Variants in CAD observed in about 807,000 individuals in gnomAD.
The protein encoded by CAD is multifunctional protein CAD.
Under a neutral mutation model 237.2 loss-of-function variants are expected in CAD, and 81 were observed. That is an observed-to-expected ratio of 0.34 (90% CI 0.29 to 0.41). CAD has a LOEUF of 0.41. CAD is among the 10% of genes least tolerant of loss of function. The pLI, the probability that CAD is intolerant of heterozygous loss-of-function variation, is 1.00. For missense variants in CAD, 2,181 were observed against 2,951.7 expected, an observed-to-expected ratio of 0.74 and a Z score of 6.05; for synonymous variants, 1,196 against 1,162.8, an observed-to-expected ratio of 1.03 and a Z score of -0.58.
At chr2:27,224,269 A>C in intron 8 of CAD, 76 bp from the exon 9 acceptor site, 1 of 1,532,768 alleles carries the variant, frequency 6.5e-7, no homozygotes, top group South Asian at 1.2e-5. Context: ...CTCTTCTGAA[A>C]GCGAGGGAGC....
At position 27,237,687 on chromosome 2, in the gene CAD, A is replaced by C. The variant is rs777550521; in HGVS notation, c.4564-31A>C. ...GCTAGCCTGTGTGGGCATGGGTGCC[A>C]GTGAGCCTTACCTCTGTGTATCCTC... is the stretch of plus-strand genomic sequence containing the variant. On this transcript the variant is annotated intron_variant, in intron 28 of 43. Transcript: ENST00000264705. This position sits in a 1 kb window ranked among gnomAD's most constrained non-coding sequence, Gnocchi z 4.0. 2.3e-5 allele frequency: 37 copies of C among 1,597,296 alleles called. No homozygotes were observed. The highest frequency in any genetic ancestry group is 2.8e-5 in the Non-Finnish European group (33 of 1,170,022).
chr2:27,232,818 T>TG lies in CAD; in HGVS notation c.2892+129dup. On this transcript the variant is annotated intron_variant, in intron 18 of 43. Transcript: ENST00000264705. This position sits in a 1 kb window ranked among gnomAD's most constrained non-coding sequence, Gnocchi z 4.1. ...TTACTTTGGTCATAGAGCTTTGGGG[T>TG]GGGGGTCCTTTTAGGCCATCTCTCA... 3 of 1,256,860 alleles carry TG rather than the reference T, an allele frequency of 2.4e-6. No homozygotes were observed. Among genetic ancestry groups the TG allele is most frequent in the African/African-American group, 1.5e-5 (1 of 67,760 alleles). 77.9% of individuals were successfully genotyped at this position (1,256,860 alleles called of 1,614,324 possible). A position where few individuals can be genotyped will look rare whatever the true frequency, so the allele number is the denominator to read the frequency against.
At chr2:27,227,247 T>A (rs1675484857) in intron 15 of CAD, among the ~76,000 whole-genome samples, 1 of 152,184 alleles carries the variant, frequency 6.6e-6, no homozygotes, top group African/African-American at 2.4e-5. Flanking sequence ...CCTTTTTTTT[T>A]AGTATGATGT....
At position 27,217,820 on chromosome 2, in the gene CAD, G is replaced by T. The variant is rs1214201101; in HGVS notation, c.83-57G>T. 15 of 1,535,910 alleles carry T rather than the reference G, an allele frequency of 9.8e-6. No individual in the cohort carries two copies. In the East Asian group the frequency reaches 2.8e-4, roughly 28 times the overall value. On this transcript the variant is annotated intron_variant, in intron 1 of 43. Transcript: ENST00000264705. ...GCCTCCACTGGGGCGTGCTCATCGCGCGGGGAGTGTTCCGAAGGGTGCCCT... is the reference window on the plus strand; with the variant it reads ...GCCTCCACTGGGGCGTGCTCATCGCTCGGGGAGTGTTCCGAAGGGTGCCCT...
At position 27,243,772 on chromosome 2, in the gene CAD, C is replaced by G. The variant is rs193120001; in HGVS notation, c.*254C>G. The G allele has an allele frequency of 1.8e-4, 90 of 503,874 alleles. 1 individual carries two copies. The Middle Eastern group carries it at 2.6e-3, about 15-fold the overall frequency. The allele number at this position is 503,874 out of a possible 1,614,324, so 31.2% of individuals were successfully genotyped here. A position where few individuals can be genotyped will look rare whatever the true frequency, so the allele number is the denominator to read the frequency against. The stretch of plus-strand genomic sequence containing the variant: ...TTTTTCTACTGACTTAATAAACAGC[C>G]GAGCTGTCCCTTGATGCTGAGTGTA... On this transcript the variant is annotated 3_prime_UTR_variant, in exon 44 of 44. Coordinates refer to ENST00000264705, the MANE Select transcript of CAD (RefSeq NM_004341.5).
At chr2:27,231,914 C>G in intron 16 of CAD, 66 bp from the exon 17 acceptor site, 1 of 1,591,976 alleles carries the variant, frequency 6.3e-7, no homozygotes, top group Non-Finnish European at 8.6e-7. Flanking sequence ...ACAAGAGCAG[C>G]TACTTACGCT....
rs1417487417 is a variant in CAD at position 27,235,163 on chromosome 2, C to A, written c.3787-82C>A. 2.3e-6 allele frequency: 3 copies of A among 1,295,698 alleles called. No individual in the cohort carries two copies. Among genetic ancestry groups the A allele is most frequent in the Admixed American group, 4.6e-5 (2 of 43,516 alleles). The allele number at this position is 1,295,698 out of a possible 1,614,324, so 80.3% of individuals were successfully genotyped here. A position where few individuals can be genotyped will look rare whatever the true frequency, so the allele number is the denominator to read the frequency against. ...CCTGCCATTCAGATGGGATCAAGCA[C>A]AGGGTACTGTGTCCGTCTCTGCTGG... On this transcript the variant is annotated intron_variant, in intron 23 of 43. Transcript: ENST00000264705. The surrounding 1 kb of genome is among the most constrained non-coding windows in gnomAD (Gnocchi z 5.2).
In CAD at chr2:27,240,776, C is replaced by T; in HGVS notation, c.5594-135C>T. The T allele has an allele frequency of 2.5e-6, 3 of 1,177,898 alleles. No homozygotes were observed. Among genetic ancestry groups the T allele is most frequent in the Middle Eastern group, 2.5e-4 (1 of 3,922 alleles). The allele number at this position is 1,177,898 out of a possible 1,614,324, so 73.0% of individuals were successfully genotyped here. A position where few individuals can be genotyped will look rare whatever the true frequency, so the allele number is the denominator to read the frequency against. ...CCCAGAGCTGCTGCAGTCCCCTGCC[C>T]TCCCCTAACCTGCTATATTACTGTG... On this transcript the variant is annotated intron_variant, in intron 35 of 43. Coordinates refer to ENST00000264705, the MANE Select transcript of CAD (RefSeq NM_004341.5). This position sits in a 1 kb window ranked among gnomAD's most constrained non-coding sequence, Gnocchi z 4.6.
chr2:27,237,255 C>A lies in CAD; in HGVS notation c.4397-124C>A. On this transcript the variant is annotated intron_variant, in intron 27 of 43. Transcript: ENST00000264705. This position sits in a 1 kb window ranked among gnomAD's most constrained non-coding sequence, Gnocchi z 4.0. ...GTCAGGTTGGTCTCGAACTCCTGAT[C>A]TCAGGTGATCTGCCCACCTCGGCCT... 1 of 970,276 alleles carries A rather than the reference C, an allele frequency of 1.0e-6. No homozygotes were observed. Among genetic ancestry groups the A allele is most frequent in the Non-Finnish European group, 1.6e-6 (1 of 625,870 alleles). The allele number at this position is 970,276 out of a possible 1,614,324, so 60.1% of individuals were successfully genotyped here. A position where few individuals can be genotyped will look rare whatever the true frequency, so the allele number is the denominator to read the frequency against.
Position 27,237,580 on chromosome 2 carries a change from C to T in CAD, c.4563+35C>T, listed in dbSNP as rs1676076250. 1.9e-6 allele frequency: 3 copies of T among 1,599,012 alleles called. No individual in the cohort carries two copies. Among genetic ancestry groups the T allele is most frequent in the East Asian group, 2.2e-5 (1 of 44,612 alleles). On this transcript the variant is annotated intron_variant, in intron 28 of 43. Transcript: ENST00000264705. This position sits in a 1 kb window ranked among gnomAD's most constrained non-coding sequence, Gnocchi z 4.0. ...TGCACTCTTCCTGGTATTGGAGACC[C>T]ATATGCCCCTACCAGCCACCCTTGC...
At position 27,242,028 on chromosome 2, in the gene CAD, G is replaced by A. The variant is rs144801319; in HGVS notation, c.6001G>A (p.Val2001Ile). Reference sequence around the variant, plus strand: ...CAGCTTCTCGGAAGCCACATCGTCCGTCCAGAAGGGCGAATCCCTGGCTGA... The same window carrying A: ...CAGCTTCTCGGAAGCCACATCGTCCATCCAGAAGGGCGAATCCCTGGCTGA... ...VLSFSEATSS[V>I]QKGESLADSV... The change falls in exon 39 of 44, where the codon GTC (valine) becomes ATC (isoleucine). Residue 2001 changes from valine (V) to isoleucine (I), a missense_variant. Physicochemically the swap from Val to Ile is conservative, Grantham distance 29 (BLOSUM62 3). Coordinates refer to ENST00000264705, the MANE Select transcript of CAD (RefSeq NM_004341.5). This position sits in a 1 kb window ranked among gnomAD's most constrained non-coding sequence, Gnocchi z 6.4. 6.0e-4 allele frequency: 972 copies of A among 1,613,256 alleles called. 2 individuals carry two copies. Among genetic ancestry groups the A allele is most frequent in the Non-Finnish European group, 3.8e-4 (450 of 1,180,048 alleles).
chr2:27,239,384 C>A lies in CAD; in HGVS notation c.5307C>A (p.Ala1769=). ...CCAGCCACATGCCCTTCTCCAAGGC[C>A]CACTGGACACCTTTTGAAGGGCAGA... ...TIPSHMPFSK[A]HWTPFEGQKV... The change falls in exon 33 of 44, where the codon GCC becomes GCA. Residue 1769 remains alanine (A), a synonymous_variant. Coordinates refer to ENST00000264705, the MANE Select transcript of CAD (RefSeq NM_004341.5). This position sits in a 1 kb window ranked among gnomAD's most constrained non-coding sequence, Gnocchi z 4.0. The A allele has an allele frequency of 1.9e-6, 3 of 1,614,082 alleles. No homozygotes were observed. Among genetic ancestry groups the A allele is most frequent in the Admixed American group, 3.3e-5 (2 of 60,014 alleles).
At position 27,222,904 on chromosome 2, in the gene CAD, C is replaced by G; in HGVS notation, c.676C>G (p.Pro226Ala). ...GLFLSNGPGD[P>A]ASYPSVVSTL... ...CTTCTTAAGTAATGGGCCTGGTGACCCTGCCTCCTATCCCAGTGTCGTATC... is the reference window on the plus strand; with the variant it reads ...CTTCTTAAGTAATGGGCCTGGTGACGCTGCCTCCTATCCCAGTGTCGTATC... The change falls in exon 6 of 44, where the codon CCT (proline) becomes GCT (alanine). Residue 226 changes from proline (P) to alanine (A), a missense_variant. This residue lies in a region of CAD where 314 missense variants were observed against 339.4 expected (regional missense o/e 0.93). Transcript: ENST00000264705. 1 of 1,614,130 alleles carries G rather than the reference C, an allele frequency of 6.2e-7. No individual in the cohort carries two copies. Among genetic ancestry groups the G allele is most frequent in the Non-Finnish European group, 8.5e-7 (1 of 1,180,028 alleles).
rs1330122345 is a variant in CAD, at chr2:27,233,843, A to G, written c.3399+35A>G. ...TGCAGACAGTGAAGTCTCTGAGGGC[A>G]TGCTGCCAGCCCTGGAGGAGACTTC... On this transcript the variant is annotated intron_variant, in intron 21 of 43. Transcript: ENST00000264705. This position sits in a 1 kb window ranked among gnomAD's most constrained non-coding sequence, Gnocchi z 6.3. The G allele has an allele frequency of 1.5e-5, 24 of 1,607,316 alleles. No homozygotes were observed. Among genetic ancestry groups the G allele is most frequent in the Non-Finnish European group, 2.0e-5 (23 of 1,175,688 alleles).
At chr2:27,227,253 G>C (rs1350657934) in intron 15 of CAD, among the ~76,000 whole-genome samples, 1 of 151,942 alleles carries the variant, frequency 6.6e-6, no homozygotes, top group Non-Finnish European at 1.5e-5. Context: ...TTTTTAGTAT[G>C]ATGTTTACAT....
At position 27,225,084 on chromosome 2, in the gene CAD, G is replaced by A; in HGVS notation, c.1461G>A (p.Glu487=). The change falls in exon 11 of 44, where the codon GAG becomes GAA. Residue 487 remains glutamate (E), a synonymous_variant. Coordinates refer to ENST00000264705, the MANE Select transcript of CAD (RefSeq NM_004341.5). ...GGQTALNCGV[E]LTKAGVLARY... Reference sequence around the variant, plus strand: ...AGACTGCTCTGAACTGTGGTGTGGAGCTGACCAAGGCCGGGGTGCTGGCTC... The same window carrying A: ...AGACTGCTCTGAACTGTGGTGTGGAACTGACCAAGGCCGGGGTGCTGGCTC... The A allele has an allele frequency of 6.2e-7, 1 of 1,614,172 alleles. No homozygotes were observed. The highest frequency in any genetic ancestry group is 8.5e-7 in the Non-Finnish European group (1 of 1,180,022).
rs1553367504 is a variant in CAD, at chr2:27,225,550, C to CG, written c.1621-155_1621-154insG. 4.4e-5 allele frequency among the ~76,000 whole-genome samples: 3 copies of CG among 67,722 alleles called. No homozygotes were observed. In the African/African-American group the frequency reaches 5.5e-4, roughly 12 times the overall value. The allele number at this position is 67,722 out of a possible 152,430, so 44.4% of individuals were successfully genotyped here. A position where few individuals can be genotyped will look rare whatever the true frequency, so the allele number is the denominator to read the frequency against. ...CGAACTCCTGACCTCAGGTGATCCA[C>CG]CCCCCCGACCCTCGGCCTCCCAAAT... On this transcript the variant is annotated intron_variant, in intron 11 of 43. Coordinates refer to ENST00000264705, the MANE Select transcript of CAD (RefSeq NM_004341.5).
rs141717146 is a variant in CAD, at chr2:27,220,153, A to G, written c.223-1065A>G. On this transcript the variant is annotated intron_variant, in intron 2 of 43. Coordinates refer to ENST00000264705, the MANE Select transcript of CAD (RefSeq NM_004341.5). ...CATCTTTTGCAATGCCTGCACCTCA[A>G]TAAATGTCTGACTGACACCATGTGC... Among the ~76,000 whole-genome samples the G allele has an allele frequency of 8.5e-5, 13 of 152,248 alleles. No homozygotes were observed. In the East Asian group the frequency reaches 1.4e-3, roughly 16 times the overall value.
chr2:27,243,131 C>T lies in CAD; in HGVS notation c.6481-67C>T. 5 of 1,520,842 alleles carry T rather than the reference C, an allele frequency of 3.3e-6. No homozygotes were observed. In the South Asian group the frequency reaches 4.5e-5, roughly 14 times the overall value. The allele number at this position is 1,520,842 out of a possible 1,614,324, so 94.2% of individuals were successfully genotyped here. A position where few individuals can be genotyped will look rare whatever the true frequency, so the allele number is the denominator to read the frequency against. On this transcript the variant is annotated intron_variant, in intron 42 of 43. Coordinates refer to ENST00000264705, the MANE Select transcript of CAD (RefSeq NM_004341.5). Reference sequence around the variant, plus strand: ...GGTGTGGAGGGGACCCCAGTGGAGCCCAGACTTGTGTCCTCTGTAGCCACT... The same window carrying T: ...GGTGTGGAGGGGACCCCAGTGGAGCTCAGACTTGTGTCCTCTGTAGCCACT...
Sources: allele counts gnomAD v4.1 joint callset (sites outside exome capture counted in the v4.1 genomes callset), GRCh38; gene constraint gnomAD v4.1.1; regional missense constraint gnomAD v4.1.1; non-coding constraint Gnocchi (gnomAD v3.1); transcripts MANE v1.5; gene names NCBI Gene and HGNC (gene_info 2026-07-23, HGNC 2026-07-21).